The following SRRM3 variants were observed in gnomAD, a reference collection of about 807,000 sequenced individuals.
The protein encoded by SRRM3 is serine/arginine repetitive matrix 3.
In SRRM3, 27 loss-of-function variants were observed where a neutral mutation model predicts 66.2. The observed-to-expected ratio is 0.41, with a 90% CI of 0.30 to 0.56. The LOEUF is 0.56. Among genes scored for constraint, SRRM3 ranks in the 20% least tolerant of loss-of-function variants. SRRM3 has a pLI of 0.32. For missense variants in SRRM3, 918 were observed against 991.9 expected, an observed-to-expected ratio of 0.93 and a Z score of 1.00; for synonymous variants, 391 against 414.9, an observed-to-expected ratio of 0.94 and a Z score of 0.70.
chr7:76,211,259 G>A (rs1200280354), intron 1 of SRRM3, among the ~76,000 whole-genome samples: 1 of 152,228 alleles, frequency 6.6e-6, no homozygotes, highest in Non-Finnish European at 1.5e-5. Flanking sequence ...ATGAATGCAG[G>A]TTTGCCAGGC....
At chr7:76,280,918 CCT>C (rs1554611761) in intron 11 of SRRM3, among the ~76,000 whole-genome samples, 2 of 150,152 alleles carry the variant, frequency 1.3e-5, no homozygotes, top group East Asian at 2.0e-4. Context: ...TTTCTCTCTT[CCT>C]CTCTCTCTCT....
chr7:76,241,779 C>T (rs1554605666), intron 2 of SRRM3, among the ~76,000 whole-genome samples: 1 of 152,208 alleles, frequency 6.6e-6, no homozygotes, highest in Non-Finnish European at 1.5e-5. Flanking sequence ...GCTGGGATTA[C>T]AGGCATGAGC....
intron 1 of SRRM3, 160 bp from the exon 2 acceptor site, chr7:76,234,868 A>C: frequency 1.7e-6 from 1 of 574,084 alleles, no homozygotes; most frequent in East Asian, 3.2e-5. Flanking sequence ...GTGTGACCCA[A>C]AGGTGCAAAC....
rs1157481839 is a variant in SRRM3, at chr7:76,246,585, AG to A, written c.234-1602del. 3.9e-5 allele frequency among the ~76,000 whole-genome samples: 6 copies of A among 152,258 alleles called. 1 individual carries two copies. In the South Asian group the frequency reaches 1.0e-3, roughly 26 times the overall value. ...TCTCAAAAAATAAAAATTAAAAAAA[AG>A]AGAGAAAAGAAAAGTTGTATAGGTG... is the stretch of plus-strand genomic sequence containing the variant. On this transcript the variant is annotated intron_variant, in intron 2 of 14. Coordinates refer to ENST00000611745, the MANE Select transcript of SRRM3 (RefSeq NM_001110199.3).
At chr7:76,229,240 C>T (rs1554604047) in intron 1 of SRRM3, among the ~76,000 whole-genome samples, 1 of 151,996 alleles carries the variant, frequency 6.6e-6, no homozygotes, top group Non-Finnish European at 1.5e-5. Context: ...CCAGGTAGAA[C>T]TGACATATGA....
intron 1 of SRRM3, among the ~76,000 whole-genome samples, chr7:76,231,042 C>T (rs1801002710): frequency 6.6e-6 from 1 of 152,112 alleles, no homozygotes; most frequent in African/African-American, 2.4e-5. Context: ...TGAGCCACTG[C>T]GCCCAGCCTC....
At chr7:76,261,151 A>G (rs1413711814) in intron 6 of SRRM3, among the ~76,000 whole-genome samples, 1 of 151,926 alleles carries the variant, frequency 6.6e-6, no homozygotes, top group Non-Finnish European at 1.5e-5. Flanking sequence ...TGTGGGGACA[A>G]CATAGGCAGC....
In SRRM3 at chr7:76,248,304, G is replaced by C. The variant is rs1801492139; in HGVS notation, c.335+15G>C. 6.3e-7 allele frequency: 1 copy of C among 1,598,960 alleles called. No individual in the cohort carries two copies. The highest frequency in any genetic ancestry group is 8.6e-7 in the Non-Finnish European group (1 of 1,167,546). On this transcript the variant is annotated intron_variant, in intron 3 of 14. Coordinates refer to ENST00000611745, the MANE Select transcript of SRRM3 (RefSeq NM_001110199.3). ...GGGGGCCACATGTGAGTGCTTACCT[G>C]TGTGGGGATGAGGGAGAGGGGGTGC...
chr7:76,262,352 G>A (rs536355531), intron 8 of SRRM3, among the ~76,000 whole-genome samples: 52 of 151,538 alleles, frequency 3.4e-4, no homozygotes, highest in African/African-American at 1.2e-3. Flanking sequence ...CTGAAAATAC[G>A]AAAATTAGCT....
intron 11 of SRRM3, among the ~76,000 whole-genome samples, chr7:76,272,337 G>C (rs1404808843): frequency 6.6e-6 from 1 of 152,134 alleles, no homozygotes; most frequent in Non-Finnish European, 1.5e-5. Context: ...GAGGCACGAA[G>C]ATCGCTTGAG....
chr7:76,248,800 C>T (rs1801503067), intron 3 of SRRM3, among the ~76,000 whole-genome samples: 1 of 151,628 alleles, frequency 6.6e-6, no homozygotes, highest in African/African-American at 2.4e-5. Context: ...GCCAACACGT[C>T]GAAACCCTGT....
intron 10 of SRRM3, among the ~76,000 whole-genome samples, chr7:76,266,482 TTTTATATA>T (rs1164683018): frequency 2.7e-5 from 3 of 111,716 alleles, no homozygotes; most frequent in African/African-American, 1.1e-4. Flanking sequence ...TATTTATATA[TTTTATATA>T]TTTATATATT....
chr7:76,240,619 CAAAA>C (rs200938394), intron 2 of SRRM3, among the ~76,000 whole-genome samples: 41 of 91,822 alleles, frequency 4.5e-4, no homozygotes, highest in African/African-American at 1.2e-3. Flanking sequence ...GACTCCATCT[CAAAA>C]AAAAAAAAAA....
intron 1 of SRRM3, among the ~76,000 whole-genome samples, chr7:76,206,370 G>GGAGA (rs151338474): frequency 3.3e-5 from 5 of 150,044 alleles, no homozygotes; most frequent in Middle Eastern, 3.2e-3. Flanking sequence ...GAAAGGGATT[G>GGAGA]GAGAGAGAGA....
chr7:76,252,152 C>T (rs576723625), intron 3 of SRRM3, among the ~76,000 whole-genome samples: 1 of 152,266 alleles, frequency 6.6e-6, no homozygotes, highest in African/African-American at 2.4e-5. Flanking sequence ...ATTTAGGACT[C>T]AGAGAGCACA....
intron 3 of SRRM3, among the ~76,000 whole-genome samples, chr7:76,252,319 G>A (rs1346150522): frequency 6.6e-6 from 1 of 152,018 alleles, no homozygotes; most frequent in East Asian, 1.9e-4. Context: ...AACTTATATA[G>A]GTGTTTGCTT....
rs115705608 is a variant in SRRM3 at position 76,281,990 on chromosome 7, C to T, written c.1370+188C>T. On this transcript the variant is annotated intron_variant, in intron 12 of 14. Transcript: ENST00000611745. Reference sequence around the variant, plus strand: ...GAGCTACCCCCCACGGATCCCAACCCCTCCTCACTGAACTACCCCCCACGG... The same window carrying T: ...GAGCTACCCCCCACGGATCCCAACCTCTCCTCACTGAACTACCCCCCACGG... Among the ~76,000 whole-genome samples the T allele has an allele frequency of 7.2e-3, 865 of 119,358 alleles. 16 individuals carry two copies. Among genetic ancestry groups the T allele is most frequent in the African/African-American group, 0.026 (831 of 31,808 alleles). The allele number at this position is 119,358 out of a possible 152,430, so 78.3% of individuals were successfully genotyped here. A position where few individuals can be genotyped will look rare whatever the true frequency, so the allele number is the denominator to read the frequency against.
intron 11 of SRRM3, chr7:76,267,658 G>A (rs1276471410): frequency 4.9e-6 from 2 of 412,310 alleles, no homozygotes; most frequent in Non-Finnish European, 8.3e-6. Flanking sequence ...GGTGAGGGGC[G>A]CCTGCGGTCT....
intron 3 of SRRM3, among the ~76,000 whole-genome samples, chr7:76,257,078 T>G (rs1380951767): frequency 6.6e-6 from 1 of 152,158 alleles, no homozygotes; most frequent in Non-Finnish European, 1.5e-5. Context: ...TGTGCTGACC[T>G]CCTATCTCAT....
Sources: allele counts gnomAD v4.1 joint callset (sites outside exome capture counted in the v4.1 genomes callset), GRCh38; gene constraint gnomAD v4.1.1; transcripts MANE v1.5; gene names NCBI Gene and HGNC (gene_info 2026-07-23, HGNC 2026-07-21).